NKAIN3: variants seen among roughly 807,000 people sequenced by gnomAD.
NKAIN3 encodes the protein sodium/potassium transporting ATPase interacting 3.
A neutral mutation model predicts 30.2 loss-of-function variants in NKAIN3; 25 were observed. That is an observed-to-expected ratio of 0.83 (90% CI 0.60 to 1.16). The LOEUF is 1.16. NKAIN3 is among the 50% of genes most tolerant of loss of function. NKAIN3 has a pLI of 0.00. For missense variants in NKAIN3, 225 were observed against 254.1 expected (o/e 0.89, Z 0.78); for synonymous variants, 91 against 89.6 (o/e 1.02, Z -0.09).
At chr8:62,341,400 AAAT>A (rs1250430391) in intron 1 of NKAIN3, among the ~76,000 whole-genome samples, 10 of 152,030 alleles carry the variant, frequency 6.6e-5, no homozygotes, top group African/African-American at 1.9e-4. Context: ...TTCATTCTAG[AAAT>A]AATACACCTT....
chr8:62,869,936 A>AT (rs572397488), intron 4 of NKAIN3, among the ~76,000 whole-genome samples: 44 of 151,496 alleles, frequency 2.9e-4, no homozygotes, highest in African/African-American at 9.0e-4. Context: ...CGCCCAGCTA[A>AT]TTTTTTTGTA....
At chr8:62,998,785 A>T (rs894212309) in intron 5 of NKAIN3, among the ~76,000 whole-genome samples, 3 of 152,278 alleles carry the variant, frequency 2.0e-5, no homozygotes, top group East Asian at 3.9e-4. Flanking sequence ...AAGATGTTTT[A>T]AAAACTACCA....
rs148154893 is a variant in NKAIN3, at chr8:62,346,291, T to A, written c.54+97164T>A. 9.3e-3 allele frequency among the ~76,000 whole-genome samples: 1,412 copies of A among 152,150 alleles called. 16 individuals are homozygous for A. The highest frequency in any genetic ancestry group is 0.03 in the African/African-American group (1,249 of 41,528). The stretch of plus-strand genomic sequence containing the variant: ...GTGTCAATTACCCCTATTTGAACAT[T>A]TTACTGTGTATTCATGTATTGAAAC... On this transcript the variant is annotated intron_variant, in intron 1 of 6. Transcript: ENST00000623646.
At chr8:62,885,691 T>C (rs190268324) in intron 4 of NKAIN3, among the ~76,000 whole-genome samples, 98 of 152,336 alleles carry the variant, frequency 6.4e-4, no homozygotes, top group African/African-American at 2.1e-3. Flanking sequence ...TTAAGGATTA[T>C]TATGTTTTCC....
At chr8:62,562,746 GT>G (rs905211823) in intron 1 of NKAIN3, among the ~76,000 whole-genome samples, 2 of 151,990 alleles carry the variant, frequency 1.3e-5, no homozygotes, top group Admixed American at 6.6e-5. Context: ...CGTACAAGGG[GT>G]TTTTTTCTAT....
intron 4 of NKAIN3, among the ~76,000 whole-genome samples, chr8:62,846,974 A>G (rs1355979235): frequency 6.6e-6 from 1 of 152,096 alleles, no homozygotes; most frequent in Non-Finnish European, 1.5e-5. Flanking sequence ...TACCATGAAA[A>G]CAGTATGGCA....
At position 62,833,058 on chromosome 8, in the gene NKAIN3, C is replaced by T. The variant is rs574628055; in HGVS notation, c.472-85395C>T. 2.6e-5 allele frequency among the ~76,000 whole-genome samples: 4 copies of T among 152,128 alleles called. No homozygotes were observed. In the East Asian group the frequency reaches 7.7e-4, roughly 29 times the overall value. ...AAAATCTCTCAAAACTACACAATTA[C>T]ATGGAAATTAAACAACTTGCTCCCG... On this transcript the variant is annotated intron_variant, in intron 4 of 6. Transcript: ENST00000623646.
chr8:62,618,178 C>T (rs1039096106), intron 3 of NKAIN3, among the ~76,000 whole-genome samples: 11 of 152,146 alleles, frequency 7.2e-5, no homozygotes, highest in African/African-American at 2.2e-4. Context: ...CCATTTAGTC[C>T]TTCATGGCAC....
At chr8:62,682,072 A>G (rs571140266) in intron 3 of NKAIN3, among the ~76,000 whole-genome samples, 1 of 152,166 alleles carries the variant, frequency 6.6e-6, no homozygotes, top group South Asian at 2.1e-4. Context: ...CTGCAGGAAC[A>G]TACCAGGAAA....
intron 1 of NKAIN3, among the ~76,000 whole-genome samples, chr8:62,314,436 T>C (rs1814546155): frequency 6.6e-6 from 1 of 152,202 alleles, no homozygotes; most frequent in African/African-American, 2.4e-5. Flanking sequence ...CTTCTTGTTA[T>C]GGTAATAGTC....
At chr8:62,801,789 GAGA>G (rs1178167751) in intron 4 of NKAIN3, among the ~76,000 whole-genome samples, 6 of 152,250 alleles carry the variant, frequency 3.9e-5, no homozygotes, top group Non-Finnish European at 7.3e-5. Flanking sequence ...GACGAGTTGA[GAGA>G]AGAAGGCTTC....
chr8:62,770,950 A>G (rs916363008), intron 4 of NKAIN3, among the ~76,000 whole-genome samples: 3 of 152,138 alleles, frequency 2.0e-5, no homozygotes, highest in Non-Finnish European at 4.4e-5. Context: ...TATCTAAAAT[A>G]TTCAGTTTTC....
chr8:62,863,475 G>T, intron 4 of NKAIN3: 6 of 1,553,130 alleles, frequency 3.9e-6, no homozygotes, highest in Non-Finnish European at 5.3e-6. Context: ...AATGTCAAAT[G>T]ATACTCTTCA....
chr8:62,324,618 G>A (rs536981315), intron 1 of NKAIN3, among the ~76,000 whole-genome samples: 18 of 152,154 alleles, frequency 1.2e-4, no homozygotes, highest in African/African-American at 4.3e-4. Context: ...AAAACATGAG[G>A]CACCAGTCTT....
intron 1 of NKAIN3, among the ~76,000 whole-genome samples, chr8:62,542,743 T>C (rs1276723080): frequency 1.3e-5 from 2 of 152,198 alleles, no homozygotes; most frequent in Admixed American, 6.5e-5. Flanking sequence ...TGTCTACCCA[T>C]GTACCTACAA....
chr8:62,546,595 G>C (rs540999939), intron 1 of NKAIN3, among the ~76,000 whole-genome samples: 1 of 152,208 alleles, frequency 6.6e-6, no homozygotes, highest in East Asian at 1.9e-4. Context: ...TATTACTTTG[G>C]TGAATTTTCA....
At chr8:62,678,532 TAATA>T (rs565327383) in intron 3 of NKAIN3, among the ~76,000 whole-genome samples, 2 of 152,090 alleles carry the variant, frequency 1.3e-5, no homozygotes, top group South Asian at 4.2e-4. Context: ...ATTACAATAT[TAATA>T]AAGTTCATTA....
At position 62,930,370 on chromosome 8, in the gene NKAIN3, C is replaced by T. The variant is rs369784797; in HGVS notation, c.532+11857C>T. ...TCCGGTTCAAACAATTCTCCTGCCT[C>T]AGCCTCCTGAGTAGCTGGGATTACA... On this transcript the variant is annotated intron_variant, in intron 5 of 6. Transcript: ENST00000623646. Among the ~76,000 whole-genome samples, 536 of 152,226 alleles carry T rather than the reference C, an allele frequency of 3.5e-3. 3 individuals carry two copies. Among genetic ancestry groups the T allele is most frequent in the Middle Eastern group, 6.8e-3 (2 of 294 alleles).
chr8:62,863,183 C>T, intron 4 of NKAIN3: 2 of 1,535,650 alleles, frequency 1.3e-6, no homozygotes, highest in Non-Finnish European at 9.0e-7. Flanking sequence ...TCCAATTCTT[C>T]TATCTCCTGC....
Sources: allele counts gnomAD v4.1 joint callset (sites outside exome capture counted in the v4.1 genomes callset), GRCh38; gene constraint gnomAD v4.1.1; transcripts MANE v1.5; gene names NCBI Gene and HGNC (gene_info 2026-07-23, HGNC 2026-07-21).